The following TLL1 variants were observed in gnomAD, a reference collection of about 807,000 sequenced individuals.
The protein encoded by TLL1 is tolloid-like protein 1.
A neutral mutation model predicts 128.2 loss-of-function variants in TLL1; 49 were observed. That is an observed-to-expected ratio of 0.38 (90% CI 0.30 to 0.48). The LOEUF (loss-of-function observed/expected upper bound fraction) is 0.48. Among genes scored for constraint, TLL1 ranks in the 20% least tolerant of loss-of-function variants. TLL1 has a pLI of 0.96. For missense variants in TLL1, 1,123 were observed against 1,242.0 expected, an observed-to-expected ratio of 0.90 and a Z score of 1.44; for synonymous variants, 454 against 418.8, an observed-to-expected ratio of 1.08 and a Z score of -1.03.
chr4:165,969,931 C>G (rs1735559774), intron 1 of TLL1, among the ~76,000 whole-genome samples: 1 of 152,052 alleles, frequency 6.6e-6, no homozygotes, highest in Admixed American at 6.6e-5. Flanking sequence ...GGGTCTTAAT[C>G]TATGTAACGT....
chr4:166,011,164 T>G (rs1447174195), intron 7 of TLL1, among the ~76,000 whole-genome samples: 7 of 151,570 alleles, frequency 4.6e-5, no homozygotes, highest in Admixed American at 4.0e-4. Flanking sequence ...CATATAGGAT[T>G]TTTAGGATAA....
chr4:165,903,468 A>T (rs534285534), intron 1 of TLL1, among the ~76,000 whole-genome samples: 8 of 133,902 alleles, frequency 6.0e-5, no homozygotes, highest in Non-Finnish European at 7.7e-5. Flanking sequence ...GCTGGGGTGC[A>T]GTGGCACAAT....
At chr4:165,881,878 TG>T (rs1730982528) in intron 1 of TLL1, among the ~76,000 whole-genome samples, 1 of 152,194 alleles carries the variant, frequency 6.6e-6, no homozygotes, top group Non-Finnish European at 1.5e-5. Flanking sequence ...GCCCTGCTGC[TG>T]GCACAGGCTC....
chr4:166,098,715 A>G (rs1440228329), intron 19 of TLL1, among the ~76,000 whole-genome samples: 1 of 152,112 alleles, frequency 6.6e-6, no homozygotes, highest in Non-Finnish European at 1.5e-5. Flanking sequence ...TCTATATAGA[A>G]AGTTCTATAT....
intron 8 of TLL1, among the ~76,000 whole-genome samples, chr4:166,019,104 C>T (rs1177484378): frequency 1.3e-5 from 2 of 152,152 alleles, no homozygotes; most frequent in South Asian, 2.1e-4. Context: ...TACCTATAGA[C>T]CTGGAATACT....
intron 1 of TLL1, among the ~76,000 whole-genome samples, chr4:165,950,117 G>A (rs1734438084): frequency 6.6e-6 from 1 of 151,948 alleles, no homozygotes. Context: ...AAAAGCTAGA[G>A]TGTCAATATT....
At chr4:165,896,034 T>G (rs1327789103) in intron 1 of TLL1, among the ~76,000 whole-genome samples, 1 of 152,118 alleles carries the variant, frequency 6.6e-6, no homozygotes, top group Non-Finnish European at 1.5e-5. Flanking sequence ...GCTGCACCCA[T>G]CAACCCATCA....
chr4:166,098,304 C>G (rs1429495731), intron 19 of TLL1, among the ~76,000 whole-genome samples: 1 of 130,272 alleles, frequency 7.7e-6, no homozygotes, highest in Non-Finnish European at 1.5e-5. Flanking sequence ...CACTGCACAC[C>G]AGCCTGGGTG....
At chr4:166,058,470 TCG>T (rs1163572297) in intron 14 of TLL1, among the ~76,000 whole-genome samples, 2 of 152,194 alleles carry the variant, frequency 1.3e-5, no homozygotes, top group African/African-American at 4.8e-5. Context: ...AGACTTTTTG[TCG>T]TGGTTATCTG....
At chr4:165,904,684 T>C (rs1173318550) in intron 1 of TLL1, among the ~76,000 whole-genome samples, 6 of 152,256 alleles carry the variant, frequency 3.9e-5, no homozygotes, top group Non-Finnish European at 8.8e-5. Context: ...AACAAATATT[T>C]TCTAATTTCA....
intron 1 of TLL1, among the ~76,000 whole-genome samples, chr4:165,882,779 C>T (rs934512371): frequency 6.6e-5 from 10 of 151,962 alleles, no homozygotes; most frequent in East Asian, 2.0e-4. Context: ...CCACCACGCC[C>T]GGCTAGTTTT....
chr4:166,057,317 T>A lies in TLL1; in HGVS notation c.1846+8T>A, dbSNP rs768711308. The A allele has an allele frequency of 1.2e-6, 2 of 1,613,728 alleles. No homozygotes were observed. Among genetic ancestry groups the A allele is most frequent in the East Asian group, 4.5e-5 (2 of 44,764 alleles). ...ACAGAAGGAGCTGTGAAGGTATGAC[T>A]GCACTCCTTCCTGGACCCCCACCCC... On this transcript the variant is annotated splice_region_variant and intron_variant, in intron 14 of 20. Coordinates refer to ENST00000061240, the MANE Select transcript of TLL1 (RefSeq NM_012464.5).
intron 1 of TLL1, among the ~76,000 whole-genome samples, chr4:165,913,093 G>T (rs1732613944): frequency 6.6e-6 from 1 of 151,916 alleles, no homozygotes; most frequent in Non-Finnish European, 1.5e-5. Context: ...TTTCCCAATG[G>T]ATACTTTTCT....
At chr4:166,060,381 A>G (rs979351605) in intron 15 of TLL1, among the ~76,000 whole-genome samples, 193 bp downstream of exon 15, 1 of 152,136 alleles carries the variant, frequency 6.6e-6, no homozygotes, top group Non-Finnish European at 1.5e-5. Context: ...TTTCTGGAAG[A>G]TTGAAAATTA....
chr4:165,930,047 A>G (rs1011894267), intron 1 of TLL1, among the ~76,000 whole-genome samples: 2 of 152,210 alleles, frequency 1.3e-5, no homozygotes, highest in African/African-American at 4.8e-5. Context: ...TAAATATCCC[A>G]GAAAGAGCAG....
chr4:166,005,259 G>C (rs904378158), intron 6 of TLL1, among the ~76,000 whole-genome samples: 1 of 151,872 alleles, frequency 6.6e-6, no homozygotes, highest in Non-Finnish European at 1.5e-5. Context: ...AAAAGCCTTT[G>C]TATGATCCTT....
chr4:165,977,293 GAGTT>G (rs1343509530), intron 1 of TLL1, among the ~76,000 whole-genome samples: 5 of 152,012 alleles, frequency 3.3e-5, no homozygotes, highest in African/African-American at 1.2e-4. Flanking sequence ...TTGTGAGAGT[GAGTT>G]AGTTCTTATG....
rs1364575848 is a variant in TLL1, at chr4:166,091,333, A to C, written c.2648A>C (p.His883Pro). 6.2e-7 allele frequency: 1 copy of C among 1,612,252 alleles called. No homozygotes were observed. The highest frequency in any genetic ancestry group is 1.1e-5 in the South Asian group (1 of 90,900). ...CAAAGAAAAGGCTTTCAAGCTACAC[A>C]TTCTACAGGTCAGCAAATTCAAGTC... ...SVQRKGFQAT[H>P]STECGGRLKA... The change falls in exon 19 of 21, where the codon CAT becomes CCT. Residue 883 changes from histidine (H) to proline (P), a missense_variant. His to Pro is a moderately conservative substitution (Grantham distance 77). This residue lies in a region of TLL1 where 634 missense variants were observed against 672.4 expected (regional missense o/e 0.94). Transcript: ENST00000061240.
chr4:166,009,872 C>A (rs1370041477), intron 7 of TLL1, among the ~76,000 whole-genome samples: 2 of 151,172 alleles, frequency 1.3e-5, no homozygotes, highest in Non-Finnish European at 3.0e-5. Context: ...TTTAGGCATA[C>A]AAGTCAGTAG....
Sources: gnomAD v4.1 joint callset for allele counts (sites outside exome capture counted in the v4.1 genomes callset) on GRCh38, gnomAD v4.1.1 for gene constraint, gnomAD v4.1.1 regional missense constraint, MANE v1.5 for transcripts, NCBI Gene and HGNC (gene_info 2026-07-23, HGNC 2026-07-21) for gene names.